Variants in NCOR2 observed in about 807,000 individuals in gnomAD.
NCOR2 encodes nuclear receptor corepressor 2, also known as CTG repeat protein 26.
Under a neutral mutation model 262.9 loss-of-function variants are expected in NCOR2, and 81 were observed. The observed-to-expected ratio is 0.31, with a 90% CI of 0.26 to 0.37. NCOR2 has a LOEUF of 0.37. Ranked by LOEUF, NCOR2 falls within the 10% of genes least tolerant of loss-of-function variation. The pLI, the probability that NCOR2 is intolerant of heterozygous loss-of-function variation, is 1.00. For synonymous variants in NCOR2, 1,659 were observed against 1,559.3 expected, an observed-to-expected ratio of 1.06 and a Z score of -1.51; for missense variants, 3,385 against 3,621.4, an observed-to-expected ratio of 0.93 and a Z score of 1.68.
In NCOR2 at chr12:124,348,088, G is replaced by T. The variant is rs952465041; in HGVS notation, c.3985+86C>A. ...TGGAGCCTCAGAAAGCCCAGCCTCGGTTTCCCCATCTGTAAAACGGGGTCA... is the reference window on the plus strand; with the variant it reads ...TGGAGCCTCAGAAAGCCCAGCCTCGTTTTCCCCATCTGTAAAACGGGGTCA... On this transcript the variant is annotated intron_variant, in intron 29 of 46. Coordinates refer to ENST00000405201, the Ensembl canonical transcript of NCOR2. The T allele has an allele frequency of 3.8e-6, 6 of 1,582,350 alleles. No individual in the cohort carries two copies. In the African/African-American group the frequency reaches 4.0e-5, roughly 11 times the overall value.
exon 22 of NCOR2, chr12:124,362,139 G>A (rs200481505): frequency 1.1e-4 from 138 of 1,300,058 alleles, no homozygotes; most frequent in African/African-American, 1.5e-4. Context: ...CCTTGTCGGC[G>A]GGGGGTGCCG....
chr12:124,367,658 A>T lies in NCOR2; in HGVS notation c.2808-3859T>A, dbSNP rs185819474. ...TATTTATTTATTTTTTTGGAGACAG[A>T]GTCTTGCTCTGTTGCCCAGGCTGGA... On this transcript the variant is annotated intron_variant, in intron 20 of 46. Coordinates refer to ENST00000405201, the Ensembl canonical transcript of NCOR2. Among the ~76,000 whole-genome samples the T allele has an allele frequency of 3.2e-3, 493 of 151,974 alleles. 4 individuals are homozygous for T. The highest frequency in any genetic ancestry group is 7.7e-3 in the Admixed American group (117 of 15,264).
intron 21 of NCOR2, among the ~76,000 whole-genome samples, chr12:124,363,141 C>T (rs952761613): frequency 3.3e-5 from 5 of 152,250 alleles, no homozygotes; most frequent in Non-Finnish European, 7.3e-5. Flanking sequence ...TAGCCTGACA[C>T]GCCCTGAGCC....
intron 44 of NCOR2, chr12:124,329,187 G>T (rs1435146235): frequency 1.1e-5 from 5 of 467,306 alleles, no homozygotes; most frequent in African/African-American, 1.0e-4. Context: ...CAGGCTGGGC[G>T]TGACTGCTCA....
At chr12:124,479,575 G>A (rs1430167301) in intron 3 of NCOR2, among the ~76,000 whole-genome samples, 5 of 151,986 alleles carry the variant, frequency 3.3e-5, no homozygotes, top group South Asian at 2.1e-4. Flanking sequence ...ACACGCACGC[G>A]CGCGCGCATG....
intron 20 of NCOR2, among the ~76,000 whole-genome samples, chr12:124,366,225 G>A (rs1014403383): frequency 1.5e-4 from 23 of 152,174 alleles, no homozygotes; most frequent in Non-Finnish European, 2.8e-4. Context: ...GAGACAAAGC[G>A]TGCCCTGTCC....
intron 1 of NCOR2, among the ~76,000 whole-genome samples, chr12:124,500,608 G>A (rs2048648182): frequency 6.6e-6 from 1 of 152,204 alleles, no homozygotes; most frequent in Non-Finnish European, 1.5e-5. Flanking sequence ...CAGCAACGCA[G>A]TGATGCCAGA....
At chr12:124,508,458 A>C (rs1191966457) in intron 1 of NCOR2, among the ~76,000 whole-genome samples, 1 of 152,236 alleles carries the variant, frequency 6.6e-6, no homozygotes, top group Non-Finnish European at 1.5e-5. Flanking sequence ...GAAGAAGGGC[A>C]GGGACAAAAA....
At chr12:124,362,075 C>A in intron 22 of NCOR2, 51 bp downstream of exon 24, 1 of 1,250,096 alleles carries the variant, frequency 8.0e-7, no homozygotes, top group Non-Finnish European at 1.0e-6. Flanking sequence ...CATCCCTTGC[C>A]CGTCAGTCCC....
chr12:124,340,193 T>TGC lies in NCOR2; in HGVS notation c.5499_5500insGC (p.Ser1834AlafsTer48). 1 of 1,599,376 alleles carries TGC rather than the reference T, an allele frequency of 6.3e-7. No individual in the cohort carries two copies. The highest frequency in any genetic ancestry group is 8.5e-7 in the Non-Finnish European group (1 of 1,175,058). ...CCACCCCCGCCGCTGCTGCCGCTGC[T>TGC]CTGCTCTGTACCTGGTGACAGTCAG... On this transcript the variant is annotated frameshift_variant, in exon 37 of 47. Coordinates refer to ENST00000405201, the Ensembl canonical transcript of NCOR2. LOFTEE classifies it high-confidence loss of function.
intron 46 of NCOR2, 121 bp downstream of exon 48, chr12:124,326,070 A>T (rs1475250525): frequency 8.7e-7 from 1 of 1,146,656 alleles, no homozygotes; most frequent in African/African-American, 1.6e-5. Context: ...GCGTTTCCAC[A>T]GAACAGGCCC....
In NCOR2 at chr12:124,400,481, A is replaced by T. The variant is rs1233535657; in HGVS notation, c.1813+20T>A. 5 of 1,605,330 alleles carry T rather than the reference A, an allele frequency of 3.1e-6. No individual in the cohort carries two copies. The highest frequency in any genetic ancestry group is 4.5e-5 in the East Asian group (2 of 44,650). On this transcript the variant is annotated intron_variant, in intron 15 of 46. Coordinates refer to ENST00000405201, the Ensembl canonical transcript of NCOR2. ...TGTCTCCAGCCCCTTCCCCACCCGC[A>T]TCCCTGGCCCCCAGCTCACCCAGCT...
rs533191346 is a variant in NCOR2 at position 124,489,192 on chromosome 12, G to A, written c.106-2624C>T. Among the ~76,000 whole-genome samples the A allele has an allele frequency of 1.4e-4, 22 of 152,136 alleles. 1 individual carries two copies. In the South Asian group the frequency reaches 4.4e-3, roughly 30 times the overall value. Reference sequence around the variant, plus strand: ...GGTCCCATGAGCTGGAATACGCCCAGGCTGGAAACCACCTCGCCACGTCTC... The same window carrying A: ...GGTCCCATGAGCTGGAATACGCCCAAGCTGGAAACCACCTCGCCACGTCTC... On this transcript the variant is annotated intron_variant, in intron 1 of 46. Transcript: ENST00000405201.
chr12:124,372,167 C>T (rs576230627), exon 20 of NCOR2: 10 of 1,601,298 alleles, frequency 6.2e-6, no homozygotes, highest in Middle Eastern at 1.7e-4. Flanking sequence ...AGCGCCCCCT[C>T]GGCCGTGGCC....
At chr12:124,385,176 C>T (rs932193862) in intron 17 of NCOR2, among the ~76,000 whole-genome samples, 25 of 152,174 alleles carry the variant, frequency 1.6e-4, no homozygotes, top group Non-Finnish European at 2.6e-4. Context: ...GCGAGGCGAG[C>T]CTGCACCTTC....
At position 124,340,594 on chromosome 12, in the gene NCOR2, GGC is replaced by G; in HGVS notation, c.5338+6_5338+7del. The G allele has an allele frequency of 4.0e-6, 6 of 1,502,770 alleles. No homozygotes were observed. The highest frequency in any genetic ancestry group is 5.3e-6 in the Non-Finnish European group (6 of 1,131,498). The allele number at this position is 1,502,770 out of a possible 1,614,324, so 93.1% of individuals were successfully genotyped here. On this transcript the variant is annotated splice_donor_region_variant and intron_variant, in intron 35 of 46. Coordinates refer to ENST00000405201, the Ensembl canonical transcript of NCOR2. ...GGGTCCCCACCCCAGACTGGGCAGT[GGC>G]GCTACCTGGGGAGAGTGGGGAGCTG...
intron 28 of NCOR2, 84 bp from the exon 31 acceptor site, chr12:124,348,398 G>A: frequency 1.3e-6 from 2 of 1,499,592 alleles, no homozygotes; most frequent in Non-Finnish European, 8.9e-7. Context: ...AGAGCCGGTA[G>A]GCAGGAGCCA....
intron 38 of NCOR2, 155 bp downstream of exon 40, chr12:124,336,598 T>G (rs978392363): frequency 1.0e-6 from 1 of 984,088 alleles, no homozygotes; most frequent in South Asian, 4.7e-5. Flanking sequence ...GAAAATATCT[T>G]TGGACCACGA....
At chr12:124,395,894 T>C (rs891570730) in intron 16 of NCOR2, among the ~76,000 whole-genome samples, 9 of 152,066 alleles carry the variant, frequency 5.9e-5, no homozygotes, top group Non-Finnish European at 1.2e-4. Flanking sequence ...TCTCACACAA[T>C]TTTACACAAA....
Sources: allele counts gnomAD v4.1 joint callset (sites outside exome capture counted in the v4.1 genomes callset), GRCh38; gene constraint gnomAD v4.1.1; transcripts MANE v1.5; gene names NCBI Gene and HGNC (gene_info 2026-07-23, HGNC 2026-07-21).